The following AAK1 variants were observed in gnomAD, a reference collection of about 807,000 sequenced individuals.
The protein encoded by AAK1 is AP2 associated kinase 1.
A neutral mutation model predicts 116.0 loss-of-function variants in AAK1; 37 were observed. That is an observed-to-expected ratio of 0.32 (90% CI 0.25 to 0.42). AAK1 has a LOEUF of 0.42. Ranked by LOEUF, AAK1 falls within the 10% of genes least tolerant of loss-of-function variation. AAK1 has a pLI of 1.00. For missense variants in AAK1, 919 were observed against 1,170.6 expected, an observed-to-expected ratio of 0.79 and a Z score of 3.14; for synonymous variants, 458 against 439.9, an observed-to-expected ratio of 1.04 and a Z score of -0.51.
chr2:69,474,189 T>C lies in AAK1; in HGVS notation c.*1680A>G. On this transcript the variant is annotated 3_prime_UTR_variant, in exon 22 of 22. Transcript: ENST00000409085. ...AGGCTGTTGTTGCTGTTAAACTTTTTTCCCCCATAAAGTGCAAATGTGAGG... is the reference window on the plus strand; with the variant it reads ...AGGCTGTTGTTGCTGTTAAACTTTTCTCCCCCATAAAGTGCAAATGTGAGG... The C allele has an allele frequency of 1.0e-6, 1 of 985,866 alleles. No homozygotes were observed. The highest frequency in any genetic ancestry group is 5.2e-4 in the Middle Eastern group (1 of 1,914). 61.1% of individuals were successfully genotyped at this position (985,866 alleles called of 1,614,324 possible). A position where few individuals can be genotyped will look rare whatever the true frequency, so the allele number is the denominator to read the frequency against.
intron 16 of AAK1, among the ~76,000 whole-genome samples, chr2:69,500,686 TATATATATATATACACACAC>T (rs1675937800): frequency 1.8e-5 from 2 of 110,494 alleles, no homozygotes; most frequent in Admixed American, 1.0e-4. Flanking sequence ...TATATATATA[TATATATATATATACACACAC>T]ACACACACAC....
Position 69,473,400 on chromosome 2 carries a change from GA to G in AAK1, c.*2468del. The G allele has an allele frequency of 5.1e-6, 5 of 985,424 alleles. No individual in the cohort carries two copies. Among genetic ancestry groups the G allele is most frequent in the Non-Finnish European group, 6.0e-6 (5 of 829,944 alleles). The allele number at this position is 985,424 out of a possible 1,614,324, so 61.0% of individuals were successfully genotyped here. A position where few individuals can be genotyped will look rare whatever the true frequency, so the allele number is the denominator to read the frequency against. Reference sequence around the variant, plus strand: ...CTCAGGGATGATGCTCTAAACCAAGGAAGGCTCCGTTTACCAAAGCACTCAT... The same window carrying G: ...CTCAGGGATGATGCTCTAAACCAAGGAGGCTCCGTTTACCAAAGCACTCAT... On this transcript the variant is annotated 3_prime_UTR_variant, in exon 22 of 22. Transcript: ENST00000409085.
At chr2:69,505,147 A>C (rs898215857) in intron 16 of AAK1, among the ~76,000 whole-genome samples, 1 of 152,148 alleles carries the variant, frequency 6.6e-6, no homozygotes, top group African/African-American at 2.4e-5. Context: ...ACACACACAC[A>C]CACACACACA....
intron 9 of AAK1, among the ~76,000 whole-genome samples, chr2:69,525,654 C>T (rs753874037): frequency 2.0e-4 from 30 of 152,170 alleles, no homozygotes; most frequent in Admixed American, 6.5e-5. Context: ...ACTCAGTCCA[C>T]AAGCCAAGGA....
intron 19 of AAK1, among the ~76,000 whole-genome samples, chr2:69,480,471 G>A (rs898742166): frequency 1.3e-5 from 2 of 152,096 alleles, no homozygotes; most frequent in African/African-American, 2.4e-5. Context: ...TGAGCTCCAC[G>A]GACATCACTG....
intron 3 of AAK1, among the ~76,000 whole-genome samples, chr2:69,552,131 G>C (rs1438849306): frequency 1.3e-5 from 2 of 151,898 alleles, no homozygotes; most frequent in Non-Finnish European, 2.9e-5. Flanking sequence ...TAGGACTTCA[G>C]ATTTAAAACA....
intron 2 of AAK1, among the ~76,000 whole-genome samples, chr2:69,622,969 G>C (rs1674723426): frequency 6.8e-6 from 1 of 146,176 alleles, no homozygotes; most frequent in Non-Finnish European, 1.5e-5. Context: ...GCAGAATGTG[G>C]GTGGGGCCAA....
At chr2:69,485,981 A>G (rs1220750492) in intron 17 of AAK1, among the ~76,000 whole-genome samples, 3 of 150,670 alleles carry the variant, frequency 2.0e-5, no homozygotes, top group Non-Finnish European at 4.4e-5. Flanking sequence ...AAGAGACAGG[A>G]TAGTGCTCTG....
At chr2:69,546,843 C>T (rs1670946584) in intron 3 of AAK1, among the ~76,000 whole-genome samples, 1 of 151,256 alleles carries the variant, frequency 6.6e-6, no homozygotes, top group African/African-American at 2.4e-5. Context: ...GGTTAATAAA[C>T]TATTACCAGA....
intron 16 of AAK1, among the ~76,000 whole-genome samples, chr2:69,504,540 G>T (rs1676105986): frequency 6.6e-6 from 1 of 152,124 alleles, no homozygotes; most frequent in South Asian, 2.1e-4. Flanking sequence ...GGCCAAGGCA[G>T]GCAGATCACC....
intron 2 of AAK1, among the ~76,000 whole-genome samples, chr2:69,593,075 C>T (rs1042767647): frequency 2.0e-5 from 3 of 152,152 alleles, no homozygotes; most frequent in Non-Finnish European, 4.4e-5. Context: ...AGAATTATAA[C>T]ATCAAATATT....
intron 16 of AAK1, among the ~76,000 whole-genome samples, chr2:69,504,956 T>C (rs1343939944): frequency 6.6e-6 from 1 of 152,198 alleles, no homozygotes; most frequent in African/African-American, 2.4e-5. Context: ...TTACTAACTT[T>C]TATATAATCA....
intron 15 of AAK1, among the ~76,000 whole-genome samples, chr2:69,506,036 T>C (rs923623219): frequency 6.6e-6 from 1 of 152,170 alleles, no homozygotes; most frequent in South Asian, 2.1e-4. Context: ...ATGAGTTTGA[T>C]GATCTGCTTT....
At chr2:69,591,005 G>A (rs1002128319) in intron 2 of AAK1, among the ~76,000 whole-genome samples, 2 of 152,128 alleles carry the variant, frequency 1.3e-5, no homozygotes, top group African/African-American at 2.4e-5. Flanking sequence ...AGTTTTTTGC[G>A]AACAGATTTC....
chr2:69,468,541 T>C lies in AAK1; in HGVS notation c.*7328A>G. ...TTCTGCAGGAGAGCAAAATATCTCT[T>C]AGGGAAAAAAAATGGAAAACTTAGT... is the stretch of plus-strand genomic sequence containing the variant. On this transcript the variant is annotated 3_prime_UTR_variant, in exon 22 of 22. Transcript: ENST00000409085. 1 of 985,294 alleles carries C rather than the reference T, an allele frequency of 1.0e-6. No homozygotes were observed. The highest frequency in any genetic ancestry group is 1.2e-6 in the Non-Finnish European group (1 of 829,890). The allele number at this position is 985,294 out of a possible 1,614,324, so 61.0% of individuals were successfully genotyped here. A position where few individuals can be genotyped will look rare whatever the true frequency, so the allele number is the denominator to read the frequency against.
intron 13 of AAK1, among the ~76,000 whole-genome samples, chr2:69,512,998 T>C (rs546309267): frequency 1.9e-3 from 289 of 152,328 alleles, no homozygotes; most frequent in Middle Eastern, 0.01. Flanking sequence ...TATGCCTCAG[T>C]TTCCAATTCT....
chr2:69,629,785 A>T (rs552946232), intron 2 of AAK1, among the ~76,000 whole-genome samples: 2 of 152,350 alleles, frequency 1.3e-5, no homozygotes, highest in South Asian at 4.1e-4. Context: ...TCAATTGGAT[A>T]CAAAATAAGC....
At chr2:69,623,880 C>A (rs1470594289) in intron 2 of AAK1, among the ~76,000 whole-genome samples, 1 of 151,670 alleles carries the variant, frequency 6.6e-6, no homozygotes, top group Admixed American at 6.6e-5. Context: ...AGAAAAAAAA[C>A]CCGCAATGTA....
intron 16 of AAK1, among the ~76,000 whole-genome samples, chr2:69,500,698 T>TATATACACACACACAC: frequency 3.1e-4 from 20 of 65,098 alleles, no homozygotes; most frequent in African/African-American, 1.5e-3. Context: ...TATATATATA[T>TATATACACACACACAC]ACACACACAC....
Sources: allele counts gnomAD v4.1 joint callset (sites outside exome capture counted in the v4.1 genomes callset), GRCh38; gene constraint gnomAD v4.1.1; transcripts MANE v1.5; gene names NCBI Gene and HGNC (gene_info 2026-07-23, HGNC 2026-07-21).